The following CSMD1 variants were observed in gnomAD, a reference collection of about 807,000 sequenced individuals.
CSMD1 encodes the protein CUB and Sushi multiple domains 1.
A neutral mutation model predicts 417.5 loss-of-function variants in CSMD1; 213 were observed. The observed-to-expected ratio is 0.51, with a 90% CI of 0.46 to 0.57. The LOEUF is 0.57. Ranked by LOEUF, CSMD1 falls within the 20% of genes least tolerant of loss-of-function variation. CSMD1 has a pLI of 0.00. For synonymous variants in CSMD1, 2,862 were observed against 1,736.8 expected, an observed-to-expected ratio of 1.65 and a Z score of -16.11; for missense variants, 6,923 against 4,529.7, an observed-to-expected ratio of 1.53 and a Z score of -15.17.
intron 2 of CSMD1, among the ~76,000 whole-genome samples, chr8:4,445,138 T>C (rs539854588): frequency 1.3e-5 from 2 of 152,318 alleles, no homozygotes; most frequent in South Asian, 2.1e-4. Flanking sequence ...TACAGTGCTG[T>C]TTTAAGATTG....
In CSMD1 at chr8:3,182,675, C is replaced by CTGTGTGTG. The variant is rs10676783; in HGVS notation, c.5621-1469_5621-1462dup. On this transcript the variant is annotated intron_variant, in intron 36 of 69. Coordinates refer to ENST00000635120, the MANE Select transcript of CSMD1 (RefSeq NM_033225.6). ...GGGGACTCTGGCTGTCTATAAGAAG[C>CTGTGTGTG]TGTGTGTGTGTGTGTGTGTATGTGT... 6.3e-3 allele frequency among the ~76,000 whole-genome samples: 629 copies of CTGTGTGTG among 99,100 alleles called. 33 individuals carry two copies. The highest frequency in any genetic ancestry group is 0.013 in the East Asian group (42 of 3,358). The allele number at this position is 99,100 out of a possible 152,430, so 65.0% of individuals were successfully genotyped here. A position where few individuals can be genotyped will look rare whatever the true frequency, so the allele number is the denominator to read the frequency against.
Position 3,514,875 on chromosome 8 carries a change from G to A in CSMD1, c.1345-21149C>T, listed in dbSNP as rs372379694. ...TCTAATGACTTTTTAAAAAATCAGA[G>A]AAATAAAATAAATTTTATTATTGTT... On this transcript the variant is annotated intron_variant, in intron 10 of 69. Coordinates refer to ENST00000635120, the MANE Select transcript of CSMD1 (RefSeq NM_033225.6). 3.0e-4 allele frequency among the ~76,000 whole-genome samples: 45 copies of A among 152,026 alleles called. No homozygotes were observed. The East Asian group carries it at 6.0e-3, about 20-fold the overall frequency.
intron 2 of CSMD1, among the ~76,000 whole-genome samples, chr8:4,458,903 T>A (rs370049159): frequency 6.6e-6 from 1 of 152,116 alleles, no homozygotes; most frequent in Admixed American, 6.6e-5. Context: ...GGGTGGAGAA[T>A]GTATTAAAAA....
At chr8:4,827,790 C>T (rs1208620294) in intron 1 of CSMD1, among the ~76,000 whole-genome samples, 5 of 152,166 alleles carry the variant, frequency 3.3e-5, no homozygotes, top group Non-Finnish European at 7.4e-5. Flanking sequence ...TCAGCTCCTG[C>T]TTAAACCCCT....
chr8:3,142,410 T>A (rs554330864), intron 41 of CSMD1, 55 bp downstream of exon 41: 1 of 1,375,274 alleles, frequency 7.3e-7, no homozygotes, highest in African/African-American at 1.4e-5. Context: ...AAATACAATT[T>A]ACATGTAAGA....
chr8:4,589,375 T>G (rs1799874781), intron 2 of CSMD1, among the ~76,000 whole-genome samples: 1 of 152,180 alleles, frequency 6.6e-6, no homozygotes, highest in Non-Finnish European at 1.5e-5. Flanking sequence ...CTCACTCTTC[T>G]CAGGGACTCT....
chr8:3,424,827 T>C (rs1170020031), intron 12 of CSMD1, among the ~76,000 whole-genome samples: 1 of 152,200 alleles, frequency 6.6e-6, no homozygotes, highest in African/African-American at 2.4e-5. Context: ...ATTGTTATCA[T>C]CATTCTATTT....
chr8:3,419,369 C>T (rs1166303133), intron 12 of CSMD1, among the ~76,000 whole-genome samples: 1 of 152,142 alleles, frequency 6.6e-6, no homozygotes, highest in Admixed American at 6.6e-5. Context: ...GATGAAGGTG[C>T]TGATCACCAG....
intron 2 of CSMD1, among the ~76,000 whole-genome samples, chr8:4,621,666 G>A (rs1320142463): frequency 6.6e-6 from 1 of 151,896 alleles, no homozygotes; most frequent in Non-Finnish European, 1.5e-5. Context: ...AAACAGTTCT[G>A]CTCATTTTTT....
At position 4,721,968 on chromosome 8, in the gene CSMD1, C is replaced by T. The variant is rs117049978; in HGVS notation, c.86-84410G>A. On this transcript the variant is annotated intron_variant, in intron 1 of 69. Transcript: ENST00000635120. ...TTTCATATCTATAATCTTACAAAAA[C>T]GGAATACAAAGAAACAGGAGAAGAA... is the stretch of plus-strand genomic sequence containing the variant. Among the ~76,000 whole-genome samples, 564 of 152,130 alleles carry T rather than the reference C, an allele frequency of 3.7e-3. 11 individuals are homozygous for T. In the East Asian group the frequency reaches 0.065, roughly 17 times the overall value.
chr8:3,587,080 G>C (rs111992784), intron 8 of CSMD1, among the ~76,000 whole-genome samples: 1 of 152,200 alleles, frequency 6.6e-6, no homozygotes, highest in Non-Finnish European at 1.5e-5. Context: ...GATTACAGGC[G>C]TGAGCCACTG....
rs76150293 is a variant in CSMD1, at chr8:3,760,253, G to A, written c.819-6211C>T. On this transcript the variant is annotated intron_variant, in intron 5 of 69. Coordinates refer to ENST00000635120, the MANE Select transcript of CSMD1 (RefSeq NM_033225.6). ...ACAGCTCCTTTAGAGATGGCAAAAG[G>A]AACTGGTTGTTCCCACTTTTTTCCC... is the stretch of plus-strand genomic sequence containing the variant. 4.6e-3 allele frequency among the ~76,000 whole-genome samples: 703 copies of A among 152,230 alleles called. 18 individuals carry two copies. The highest frequency in any genetic ancestry group is 0.045 in the East Asian group (232 of 5,172).
intron 23 of CSMD1, among the ~76,000 whole-genome samples, chr8:3,310,037 A>G (rs1805202061): frequency 6.6e-6 from 1 of 152,240 alleles, no homozygotes; most frequent in Non-Finnish European, 1.5e-5. Context: ...AGATGCCTGG[A>G]ATTCAAGAAC....
At chr8:4,437,789 G>A (rs753783354) in intron 2 of CSMD1, among the ~76,000 whole-genome samples, 1 of 152,170 alleles carries the variant, frequency 6.6e-6, no homozygotes, top group Non-Finnish European at 1.5e-5. Context: ...TTGTCTCTAT[G>A]GGAACTTCAT....
chr8:4,189,875 T>C (rs79536282), intron 3 of CSMD1, among the ~76,000 whole-genome samples: 2,841 of 152,236 alleles, frequency 0.019, 97 homozygotes, highest in African/African-American at 0.064. Flanking sequence ...ACGTAATACA[T>C]AGCCTTGAAT....
chr8:4,667,592 C>A (rs1035211365), intron 1 of CSMD1, among the ~76,000 whole-genome samples: 1 of 151,650 alleles, frequency 6.6e-6, no homozygotes, highest in Non-Finnish European at 1.5e-5. Flanking sequence ...CTTGGATTGT[C>A]CCTGAGTACT....
At chr8:3,277,044 A>G (rs899082058) in intron 26 of CSMD1, among the ~76,000 whole-genome samples, 1 of 152,078 alleles carries the variant, frequency 6.6e-6, no homozygotes, top group African/African-American at 2.4e-5. Flanking sequence ...GGCACACTGG[A>G]ATTTCTTGTG....
At chr8:3,792,193 C>G (rs1585005207) in intron 5 of CSMD1, among the ~76,000 whole-genome samples, 1 of 152,052 alleles carries the variant, frequency 6.6e-6, no homozygotes, top group East Asian at 2.0e-4. Flanking sequence ...ACAGGGGAGG[C>G]TGAGATGGGA....
chr8:4,925,164 A>C (rs566803964), intron 1 of CSMD1, among the ~76,000 whole-genome samples: 3 of 151,548 alleles, frequency 2.0e-5, no homozygotes, highest in Admixed American at 2.0e-4. Context: ...AGGAAGGACA[A>C]CATCACTATG....
Sources: gnomAD v4.1 joint callset for allele counts (sites outside exome capture counted in the v4.1 genomes callset) on GRCh38, gnomAD v4.1.1 for gene constraint, MANE v1.5 for transcripts, NCBI Gene and HGNC (gene_info 2026-07-23, HGNC 2026-07-21) for gene names.